DACT1: variants seen among roughly 807,000 people sequenced by gnomAD.
The protein encoded by DACT1 is dishevelled binding antagonist of beta catenin 1, also known as dapper homolog 1.
A neutral mutation model predicts 35.3 loss-of-function variants in DACT1; 19 were observed. That is an observed-to-expected ratio of 0.54 (90% CI 0.38 to 0.79). DACT1 has a LOEUF of 0.79. DACT1 is among the 30% of genes least tolerant of loss of function. DACT1 has a pLI of 0.00. For synonymous variants in DACT1, 545 were observed against 466.7 expected, an observed-to-expected ratio of 1.17 and a Z score of -2.16; for missense variants, 1,143 against 1,057.5, an observed-to-expected ratio of 1.08 and a Z score of -1.12.
intron 2 of DACT1, 115 bp from the exon 3 acceptor site, chr14:58,641,476 GC>G (rs2047626220): frequency 8.3e-7 from 1 of 1,202,724 alleles, no homozygotes; most frequent in East Asian, 2.4e-5. Flanking sequence ...ATCAAAATTG[GC>G]CAAAAAACAA....
rs756941188 is a variant in DACT1, at chr14:58,646,695, T to C, written c.1961T>C (p.Leu654Pro). 3.1e-6 allele frequency: 5 copies of C among 1,613,056 alleles called. No individual in the cohort carries two copies. In the East Asian group the frequency reaches 6.7e-5, roughly 22 times the overall value. Residue 654 changes from leucine to proline, a missense_variant, in exon 4 of 4, where the codon CTG (leucine) becomes CCG (proline). This residue lies in a region of DACT1 where 1,054 missense variants were observed against 958.8 expected (regional missense o/e 1.10). Transcript: ENST00000395153. ...GCCGAGATTTCCTACGAAGAGGCCC[T>C]GAGGAGGGCCCGGCGCGGTCGCCGG... is the stretch of plus-strand genomic sequence containing the variant. ...SSAEISYEEALRRARRGRREN... is the reference protein window; with the variant it reads ...SSAEISYEEAPRRARRGRREN...
intron 3 of DACT1, 155 bp from the exon 4 acceptor site, chr14:58,645,214 T>C: frequency 6.5e-7 from 1 of 1,527,816 alleles, no homozygotes; most frequent in Non-Finnish European, 9.0e-7. Flanking sequence ...AAGCTGGTGC[T>C]GACCAATTCA....
At chr14:58,635,228 C>T (rs115838884), upstream of DACT1, among the ~76,000 whole-genome samples, 3,351 of 152,226 alleles carry the variant, frequency 0.022, 129 homozygotes, top group African/African-American at 0.076. Flanking sequence ...GAGCAGTAGG[C>T]GATCACTTTC....
At position 58,646,385 on chromosome 14, in the gene DACT1, G is replaced by A. The variant is rs372849027; in HGVS notation, c.1651G>A (p.Gly551Ser). ...GAAGAACTCCAGCCTGAAGCACCGC[G>A]GCCCAGCCCTCCAGGGGCTGGAGAA... Reference protein sequence around the residue: ...VVKNSSLKHRGPALQGLENGL... With the variant: ...VVKNSSLKHRSPALQGLENGL... Residue 551 changes from glycine (G) to serine (S), a missense_variant, in exon 4 of 4, where the codon GGC becomes AGC. This residue lies in a region of DACT1 where 1,054 missense variants were observed against 958.8 expected (regional missense o/e 1.10). Coordinates refer to ENST00000395153, the MANE Select transcript of DACT1 (RefSeq NM_001079520.2). 1.2e-6 allele frequency: 2 copies of A among 1,603,934 alleles called. No individual in the cohort carries two copies. The highest frequency in any genetic ancestry group is 1.7e-6 in the Non-Finnish European group (2 of 1,177,540).
At position 58,645,595 on chromosome 14, in the gene DACT1, C is replaced by T. The variant is rs776202159; in HGVS notation, c.861C>T (p.Ser287=). The T allele has an allele frequency of 6.2e-7, 1 of 1,614,182 alleles. No homozygotes were observed. The highest frequency in any genetic ancestry group is 8.5e-7 in the Non-Finnish European group (1 of 1,180,042). Residue 287 remains serine (S), a synonymous_variant, in exon 4 of 4, where the codon AGC becomes AGT. Coordinates refer to ENST00000395153, the MANE Select transcript of DACT1 (RefSeq NM_001079520.2). ...CAGACAGTTCCTTACCGTCCCCAAG[C>T]AGTCTGTGGTCTGCTTCCCATCCTT... is the stretch of plus-strand genomic sequence containing the variant. ...VKTDSSLPSP[S]SLWSASHPSS...
In DACT1 at chr14:58,645,390, G is replaced by A. The variant is rs759013125; in HGVS notation, c.656G>A (p.Cys219Tyr). ...KSADVNPKYQ[C>Y]DLVSKNGNDV... is the part of the protein sequence containing the mutation. ...GCAGATGTGAATCCCAAGTACCAGT[G>A]TGATCTGGTGTCTAAAAACGGGAAT... Residue 219 changes from cysteine to tyrosine, a missense_variant, in exon 4 of 4, where the codon TGT becomes TAT. Physicochemically the swap from Cys to Tyr is radical, Grantham distance 194. This residue lies in a region of DACT1 where 1,054 missense variants were observed against 958.8 expected (regional missense o/e 1.10). Coordinates refer to ENST00000395153, the MANE Select transcript of DACT1 (RefSeq NM_001079520.2). 2 of 1,614,078 alleles carry A rather than the reference G, an allele frequency of 1.2e-6. No homozygotes were observed. The highest frequency in any genetic ancestry group is 2.2e-5 in the South Asian group (2 of 91,086).
upstream of DACT1, among the ~76,000 whole-genome samples, chr14:58,636,749 G>A (rs185466040): frequency 6.6e-6 from 1 of 152,066 alleles, no homozygotes; most frequent in Non-Finnish European, 1.5e-5. Context: ...TTGAATTTCC[G>A]AGGTTCTTGG....
At chr14:58,639,982 A>C (rs1447276491) in intron 1 of DACT1, among the ~76,000 whole-genome samples, 2 of 152,258 alleles carry the variant, frequency 1.3e-5, no homozygotes, top group Admixed American at 6.5e-5. Context: ...AGAGAATTCC[A>C]GTCCAGTCAG....
rs1229880024 is a variant in DACT1, at chr14:58,646,965, G to A, written c.2231G>A (p.Gly744Asp). 1.2e-6 allele frequency: 2 copies of A among 1,614,180 alleles called. No individual in the cohort carries two copies. The highest frequency in any genetic ancestry group is 2.2e-5 in the South Asian group (2 of 91,080). ...ACCAGCGACTCTGAAGAAAGCGGGG[G>A]CTTAATTTGGTCCCAGTTTGTCCAG... ...TTTSDSEESG[G>D]LIWSQFVQTL... is the part of the protein sequence containing the mutation. Residue 744 changes from glycine (G) to aspartate (D), a missense_variant, in exon 4 of 4, where the codon GGC becomes GAC. Physicochemically the swap from Gly to Asp is moderately conservative, Grantham distance 94. Around this residue, in one of 3 missense-constraint regions of DACT1, gnomAD observed 1,054 missense variants for 958.8 expected, o/e 1.10. Transcript: ENST00000395153.
chr14:58,637,848 A>T (rs570434088), upstream of DACT1, among the ~76,000 whole-genome samples: 52 of 150,918 alleles, frequency 3.4e-4, 1 homozygote, highest in Admixed American at 1.3e-3. Context: ...CGCGCCTGAC[A>T]GAGGAGGGGA....
rs2047688423 is a variant in DACT1 at position 58,646,602 on chromosome 14, A to G, written c.1868A>G (p.His623Arg). 1.3e-6 allele frequency: 2 copies of G among 1,597,604 alleles called. No individual in the cohort carries two copies. The highest frequency in any genetic ancestry group is 1.7e-6 in the Non-Finnish European group (2 of 1,172,548). The change falls in exon 4 of 4, where the codon CAC becomes CGC. Residue 623 changes from histidine to arginine, a missense_variant. By Grantham distance (29) the His-to-Arg change is conservative. This residue lies in a region of DACT1 where 1,054 missense variants were observed against 958.8 expected (regional missense o/e 1.10). Coordinates refer to ENST00000395153, the MANE Select transcript of DACT1 (RefSeq NM_001079520.2). ...GHRAGSRAHG[H>R]GREAVVAKPK... ...AGGGCGGGGAGCAGGGCGCATGGCC[A>G]CGGACGGGAGGCGGTGGTGGCCAAA...
intron 3 of DACT1, among the ~76,000 whole-genome samples, chr14:58,642,507 A>C (rs1348276465): frequency 6.6e-6 from 1 of 151,626 alleles, no homozygotes; most frequent in Non-Finnish European, 1.5e-5. Context: ...CAGCCTGGGC[A>C]ACATGATGAA....
intron 1 of DACT1, among the ~76,000 whole-genome samples, chr14:58,639,910 A>G (rs2047611324): frequency 6.6e-6 from 1 of 152,224 alleles, no homozygotes; most frequent in South Asian, 2.1e-4. Context: ...GTCTGCATGA[A>G]TCTCAAGATT....
intron 3 of DACT1, among the ~76,000 whole-genome samples, chr14:58,642,495 A>G (rs1231786751): frequency 1.3e-5 from 2 of 150,402 alleles, no homozygotes; most frequent in African/African-American, 4.9e-5. Flanking sequence ...AAAACAAAAG[A>G]CCAGCCTGGG....
rs1470517506 is a variant in DACT1 at position 58,638,094 on chromosome 14, C to A, written c.-109C>A. 3 of 1,135,052 alleles carry A rather than the reference C, an allele frequency of 2.6e-6. No homozygotes were observed. Among genetic ancestry groups the A allele is most frequent in the Non-Finnish European group, 3.3e-6 (3 of 909,434 alleles). The allele number at this position is 1,135,052 out of a possible 1,614,324, so 70.3% of individuals were successfully genotyped here. Reference sequence around the variant, plus strand: ...AGCCACCGTCCCCGCCAGCGCCGCGCCCCGCCACAGGGCGGCATGAGCCCA... The same window carrying A: ...AGCCACCGTCCCCGCCAGCGCCGCGACCCGCCACAGGGCGGCATGAGCCCA... On this transcript the variant is annotated 5_prime_UTR_variant, in exon 1 of 4. Transcript: ENST00000395153.
chr14:58,640,282 C>T (rs557080922), intron 1 of DACT1, among the ~76,000 whole-genome samples: 70 of 152,284 alleles, frequency 4.6e-4, no homozygotes, highest in African/African-American at 1.6e-3. Flanking sequence ...TAATAGAAAA[C>T]AAAACTCTGC....
chr14:58,638,778 C>T (rs774410049), intron 1 of DACT1: 262 of 1,192,414 alleles, frequency 2.2e-4, no homozygotes, highest in Middle Eastern at 6.5e-4. Flanking sequence ...GGCGACCTCG[C>T]GCGGATTGCG....
At chr14:58,635,780 T>A (rs1452362144), upstream of DACT1, among the ~76,000 whole-genome samples, 1 of 152,070 alleles carries the variant, frequency 6.6e-6, no homozygotes, top group Non-Finnish European at 1.5e-5. Context: ...GTGTTTCAGC[T>A]TTTTTTCCCC....
At chr14:58,640,219 ATTAGT>A (rs2047614299) in intron 1 of DACT1, among the ~76,000 whole-genome samples, 1 of 152,226 alleles carries the variant, frequency 6.6e-6, no homozygotes, top group African/African-American at 2.4e-5. Context: ...GGCTATTAGT[ATTAGT>A]TTCTCACTTT....
Sources: gnomAD v4.1 joint callset for allele counts (sites outside exome capture counted in the v4.1 genomes callset) on GRCh38, gnomAD v4.1.1 for gene constraint, gnomAD v4.1.1 regional missense constraint, MANE v1.5 for transcripts, NCBI Gene and HGNC (gene_info 2026-07-23, HGNC 2026-07-21) for gene names.